UST: variants seen among roughly 807,000 people sequenced by gnomAD.
The protein encoded by UST is chondroitin sulfate 2-O-sulfotransferase.
In UST, 21 loss-of-function variants were observed where a neutral mutation model predicts 45.6. That is an observed-to-expected ratio of 0.46 (90% confidence interval 0.33 to 0.66). UST has a LOEUF of 0.66. Among genes scored for constraint, UST ranks in the 30% least tolerant of loss-of-function variants. The probability of loss-of-function intolerance (pLI) is 0.02; values close to 1 mark genes in which losing one functional copy is unlikely to be tolerated. For missense variants in UST, 463 were observed against 512.4 expected, an observed-to-expected ratio of 0.90 and a Z score of 0.93; for synonymous variants, 215 against 200.6, an observed-to-expected ratio of 1.07 and a Z score of -0.61.
chr6:148,872,932 A>AT, intron 1 of UST, among the ~76,000 whole-genome samples: 1 of 152,260 alleles, frequency 6.6e-6, no homozygotes, highest in East Asian at 1.9e-4. Context: ...AGCTGCCTGC[A>AT]TTCTTTGACT....
At chr6:148,990,269 C>A (rs1781323046) in intron 5 of UST, 3 of 397,410 alleles carry the variant, frequency 7.5e-6, no homozygotes, top group Non-Finnish European at 1.0e-5. Context: ...TTTTGCTTGG[C>A]CATATTTTAT....
rs539433866 is a variant in UST at position 148,998,656 on chromosome 6, G to A, written c.682-20483G>A. On this transcript the variant is annotated intron_variant, in intron 5 of 7. Coordinates refer to ENST00000367463, the MANE Select transcript of UST (RefSeq NM_005715.3). ...TCCATTTTCTGTGTGGCTAAGTAGCGGGTAGGGATGCGGGCCCATCCATAA... is the reference window on the plus strand; with the variant it reads ...TCCATTTTCTGTGTGGCTAAGTAGCAGGTAGGGATGCGGGCCCATCCATAA... 8.5e-5 allele frequency among the ~76,000 whole-genome samples: 13 copies of A among 152,270 alleles called. No individual in the cohort carries two copies. The East Asian group carries it at 2.5e-3, about 29-fold the overall frequency.
chr6:148,941,540 A>AAGGATTAGACATTGGGATGTTCAG, intron 3 of UST, 106 bp downstream of exon 3: 1 of 1,301,610 alleles, frequency 7.7e-7, no homozygotes, highest in Non-Finnish European at 1.0e-6. Context: ...AGTGAATACC[A>AAGGATTAGACATTGGGATGTTCAG]GAGTTTTGAT....
intron 5 of UST, among the ~76,000 whole-genome samples, chr6:149,015,933 T>G (rs757323511): frequency 6.6e-6 from 1 of 152,162 alleles, no homozygotes; most frequent in Non-Finnish European, 1.5e-5. Context: ...AAGAGTGGAC[T>G]GGGTAGGAGG....
chr6:148,967,148 T>A (rs1780820160), intron 5 of UST, among the ~76,000 whole-genome samples: 1 of 152,200 alleles, frequency 6.6e-6, no homozygotes, highest in African/African-American at 2.4e-5. Flanking sequence ...CTTGAGAGAT[T>A]GTAGAGAGAT....
chr6:149,034,731 A>C (rs1776204038), intron 7 of UST, among the ~76,000 whole-genome samples: 1 of 152,122 alleles, frequency 6.6e-6, no homozygotes, highest in Non-Finnish European at 1.5e-5. Flanking sequence ...CCTCCTCATG[A>C]AAGGTGCATG....
intron 5 of UST, among the ~76,000 whole-genome samples, chr6:148,984,377 G>A (rs2486405): frequency 0.39 from 59,482 of 151,998 alleles, 11,687 homozygotes; most frequent in Non-Finnish European, 0.4. Context: ...TCATATGGAT[G>A]AGAACAGGGG....
intron 1 of UST, among the ~76,000 whole-genome samples, chr6:148,799,560 C>T (rs1442337064): frequency 6.6e-6 from 1 of 152,174 alleles, no homozygotes; most frequent in South Asian, 2.1e-4. Flanking sequence ...TCCCTCCCTA[C>T]TTAAACCATT....
In UST at chr6:149,049,931, T is replaced by TCACACACA. The variant is rs59151398; in HGVS notation, c.938-23874_938-23867dup. ...TTGTCTCTCTCTCTCTCTCTCTCTC[T>TCACACACA]CACACACACACACACACACACACAC... is the stretch of plus-strand genomic sequence containing the variant. On this transcript the variant is annotated intron_variant, in intron 7 of 7. Coordinates refer to ENST00000367463, the MANE Select transcript of UST (RefSeq NM_005715.3). Among the ~76,000 whole-genome samples, 1,003 of 134,504 alleles carry TCACACACA rather than the reference T, an allele frequency of 7.5e-3. 10 individuals carry two copies. The highest frequency in any genetic ancestry group is 9.4e-3 in the African/African-American group (326 of 34,748). The allele number at this position is 134,504 out of a possible 152,430, so 88.2% of individuals were successfully genotyped here. A position where few individuals can be genotyped will look rare whatever the true frequency, so the allele number is the denominator to read the frequency against.
intron 5 of UST, among the ~76,000 whole-genome samples, chr6:148,984,576 G>A (rs1285897299): frequency 6.6e-6 from 1 of 151,950 alleles, no homozygotes; most frequent in Non-Finnish European, 1.5e-5. Context: ...ACTCTGTCTT[G>A]CAGGCTGGAG....
At chr6:149,062,227 A>G (rs1776665216) in intron 7 of UST, among the ~76,000 whole-genome samples, 2 of 152,228 alleles carry the variant, frequency 1.3e-5, no homozygotes, top group Admixed American at 6.5e-5. Flanking sequence ...TCTCCAGAAC[A>G]ACCTGTGATC....
chr6:148,776,876 C>T (rs1352877444), intron 1 of UST, among the ~76,000 whole-genome samples: 2 of 152,166 alleles, frequency 1.3e-5, no homozygotes, highest in Admixed American at 1.3e-4. Context: ...CTGCCCTTAC[C>T]TGGCCTTGGT....
At chr6:148,920,908 TC>T (rs1372528059) in intron 2 of UST, among the ~76,000 whole-genome samples, 2 of 152,194 alleles carry the variant, frequency 1.3e-5, no homozygotes, top group African/African-American at 4.8e-5. Context: ...CTGACCGTGT[TC>T]CCATCAGGAG....
At chr6:148,824,608 G>T (rs1329219144) in intron 1 of UST, among the ~76,000 whole-genome samples, 2 of 151,480 alleles carry the variant, frequency 1.3e-5, no homozygotes, top group South Asian at 4.2e-4. Context: ...TTGCTAGGAG[G>T]TTTACTCATT....
At chr6:149,066,985 C>T (rs1410369096) in intron 7 of UST, among the ~76,000 whole-genome samples, 1 of 151,936 alleles carries the variant, frequency 6.6e-6, no homozygotes, top group Non-Finnish European at 1.5e-5. Context: ...ACCTCATAAC[C>T]CAGGGAGGTC....
intron 5 of UST, among the ~76,000 whole-genome samples, chr6:148,984,852 G>A (rs1056095970): frequency 2.6e-5 from 4 of 152,216 alleles, no homozygotes; most frequent in Non-Finnish European, 5.9e-5. Context: ...GATGTTTGGA[G>A]TAGAGCAAAA....
chr6:149,043,463 G>A (rs1776356245), intron 7 of UST, among the ~76,000 whole-genome samples: 1 of 152,198 alleles, frequency 6.6e-6, no homozygotes, highest in African/African-American at 2.4e-5. Context: ...TTTCTGGGAA[G>A]CAAAGAATTT....
At chr6:148,758,123 A>G (rs577995701) in intron 1 of UST, among the ~76,000 whole-genome samples, 2 of 152,344 alleles carry the variant, frequency 1.3e-5, no homozygotes, top group African/African-American at 4.8e-5. Flanking sequence ...ACACACACTC[A>G]TATCAGAACA....
chr6:149,065,744 G>T (rs1165062250), intron 7 of UST, among the ~76,000 whole-genome samples: 2 of 152,160 alleles, frequency 1.3e-5, no homozygotes, highest in African/African-American at 4.8e-5. Context: ...CTCATAATGG[G>T]TGTTCCCCAT....
Sources: gnomAD v4.1 joint callset for allele counts (sites outside exome capture counted in the v4.1 genomes callset) on GRCh38, gnomAD v4.1.1 for gene constraint, MANE v1.5 for transcripts, NCBI Gene and HGNC (gene_info 2026-07-23, HGNC 2026-07-21) for gene names.